ZFHX3: variants seen among roughly 807,000 people sequenced by gnomAD.
ZFHX3 encodes zinc finger homeobox protein 3.
Under a neutral mutation model 279.1 loss-of-function variants are expected in ZFHX3, and 42 were observed. The ratio of observed to expected loss-of-function variants is 0.15; its 90% CI spans 0.12 to 0.19. The LOEUF (loss-of-function observed/expected upper bound fraction) is 0.19, where lower values mean the gene tolerates loss of function less well. Ranked by LOEUF, ZFHX3 falls within the 10% of genes least tolerant of loss-of-function variation. The probability of loss-of-function intolerance (pLI) is 1.00; values close to 1 mark genes in which losing one functional copy is unlikely to be tolerated. For synonymous variants in ZFHX3, 2,293 were observed against 1,957.8 expected (o/e 1.17, Z -4.52); for missense variants, 4,981 against 4,754.0 (o/e 1.05, Z -1.40).
At chr16:73,566,858 C>T (rs985669633) in intron 2 of ZFHX3, among the ~76,000 whole-genome samples, 5 of 152,204 alleles carry the variant, frequency 3.3e-5, no homozygotes, top group Admixed American at 6.5e-5. Flanking sequence ...GCCACCACAC[C>T]CAGCTAATTT....
chr16:72,891,141 C>T (rs1567568252), intron 3 of ZFHX3, among the ~76,000 whole-genome samples: 1 of 152,214 alleles, frequency 6.6e-6, no homozygotes, highest in African/African-American at 2.4e-5. Context: ...ATAAATTTCT[C>T]CAGACTAGTT....
At chr16:73,230,761 G>T (rs986353711) in intron 5 of ZFHX3, among the ~76,000 whole-genome samples, 1 of 152,202 alleles carries the variant, frequency 6.6e-6, no homozygotes, top group East Asian at 1.9e-4. Context: ...ACCTCAGCCC[G>T]TGTGATATAA....
rs1407312622 is a variant in ZFHX3 at position 72,958,363 on chromosome 16, C to T, written c.1783G>A (p.Ala595Thr). ...GRRLDFADES[A>T]NKDNATAPEP... ...GGTGCTGTGGCATTGTCTTTATTGG[C>T]ACTTTCGTCAGCGAAGTCCAGCCTC... The change falls in exon 2 of 10, where the codon GCC becomes ACC. Residue 595 changes from alanine (A) to threonine (T), a missense_variant. Physicochemically the swap from Ala to Thr is moderately conservative, Grantham distance 58. Transcript: ENST00000268489. 1 of 1,614,118 alleles carries T rather than the reference C, an allele frequency of 6.2e-7. No individual in the cohort carries two copies. The highest frequency in any genetic ancestry group is 8.5e-7 in the Non-Finnish European group (1 of 1,179,986).
intron 2 of ZFHX3, among the ~76,000 whole-genome samples, chr16:73,576,558 C>T (rs1263499463): frequency 6.6e-6 from 1 of 152,046 alleles, no homozygotes; most frequent in African/African-American, 2.4e-5. Context: ...TAGACACGCA[C>T]GGAAGTAAAA....
At chr16:73,280,706 T>C (rs533199761) in intron 4 of ZFHX3, among the ~76,000 whole-genome samples, 3 of 152,048 alleles carry the variant, frequency 2.0e-5, no homozygotes, top group African/African-American at 4.8e-5. Flanking sequence ...TGGCCAGGCA[T>C]GGTGGCTCAC....
intron 1 of ZFHX3, among the ~76,000 whole-genome samples, chr16:73,885,880 C>T (rs773432311): frequency 3.9e-5 from 6 of 152,270 alleles, no homozygotes; most frequent in South Asian, 4.1e-4. Flanking sequence ...CATCAAAAAG[C>T]AGTAAGTACC....
At chr16:73,549,174 A>C (rs1402415331) in intron 2 of ZFHX3, among the ~76,000 whole-genome samples, 2 of 152,140 alleles carry the variant, frequency 1.3e-5, no homozygotes, top group Non-Finnish European at 2.9e-5. Flanking sequence ...TCTAATAGAA[A>C]TGTTTTTTTT....
At chr16:73,728,305 G>A (rs1272855468) in intron 1 of ZFHX3, among the ~76,000 whole-genome samples, 3 of 152,100 alleles carry the variant, frequency 2.0e-5, no homozygotes, top group African/African-American at 4.8e-5. Context: ...TCAAAGCAGC[G>A]CTGCTGACAC....
intron 1 of ZFHX3, among the ~76,000 whole-genome samples, chr16:73,029,197 A>C (rs1964613066): frequency 6.6e-6 from 1 of 152,150 alleles, no homozygotes; most frequent in Non-Finnish European, 1.5e-5. Flanking sequence ...AATGGCTCCC[A>C]CCTGCTCCTG....
chr16:73,349,070 A>G (rs746763349), intron 3 of ZFHX3, among the ~76,000 whole-genome samples: 9 of 152,214 alleles, frequency 5.9e-5, no homozygotes, highest in Non-Finnish European at 1.2e-4. Context: ...ATAACAGATC[A>G]AAACAGAACA....
At chr16:73,687,296 G>A (rs1381785493) in intron 1 of ZFHX3, among the ~76,000 whole-genome samples, 1 of 150,884 alleles carries the variant, frequency 6.6e-6, no homozygotes, top group Non-Finnish European at 1.5e-5. Flanking sequence ...GGAGGCTTAG[G>A]TGGAAGGATC....
rs573164857 is a variant in ZFHX3 at position 73,204,271 on chromosome 16, A to C, written c.-1104+52776T>G. Among the ~76,000 whole-genome samples, 5 of 150,568 alleles carry C rather than the reference A, an allele frequency of 3.3e-5. No homozygotes were observed. The East Asian group carries it at 9.7e-4, about 29-fold the overall frequency. On this transcript the variant is annotated intron_variant, in intron 5 of 17. Transcript: ENST00000641206. Reference sequence around the variant, plus strand: ...ACTTTATTTCTATTATTATTATAGAAATTATTATTTCTATTATTATTATAT... The same window carrying C: ...ACTTTATTTCTATTATTATTATAGACATTATTATTTCTATTATTATTATAT...
intron 1 of ZFHX3, among the ~76,000 whole-genome samples, chr16:72,982,766 A>C (rs1962667188): frequency 6.6e-6 from 1 of 152,216 alleles, no homozygotes; most frequent in African/African-American, 2.4e-5. Flanking sequence ...TTAAGATCTG[A>C]GGAGTAGCCT....
intron 5 of ZFHX3, among the ~76,000 whole-genome samples, chr16:72,822,406 G>C (rs947829288): frequency 1.6e-4 from 25 of 152,184 alleles, no homozygotes; most frequent in African/African-American, 6.0e-4. Flanking sequence ...CTGCAACTCT[G>C]ACACCCGAGT....
intron 1 of ZFHX3, among the ~76,000 whole-genome samples, chr16:73,688,669 A>AT (rs2053116611): frequency 6.6e-6 from 1 of 152,062 alleles, no homozygotes; most frequent in African/African-American, 2.4e-5. Flanking sequence ...AGTGTAAGGT[A>AT]TTTTTTCATA....
At chr16:73,833,520 C>T (rs1237641366) in intron 1 of ZFHX3, among the ~76,000 whole-genome samples, 1 of 151,896 alleles carries the variant, frequency 6.6e-6, no homozygotes, top group South Asian at 2.1e-4. Flanking sequence ...AACCAAACAC[C>T]GCATGTTCTC....
chr16:73,669,178 C>T (rs2052876923), intron 2 of ZFHX3, among the ~76,000 whole-genome samples: 1 of 152,050 alleles, frequency 6.6e-6, no homozygotes, highest in Admixed American at 6.6e-5. Flanking sequence ...CTCAGCCTTG[C>T]ATGTAGCTGG....
chr16:73,414,340 C>T (rs532006543), intron 3 of ZFHX3, among the ~76,000 whole-genome samples: 108 of 152,322 alleles, frequency 7.1e-4, no homozygotes, highest in African/African-American at 2.6e-3. Flanking sequence ...GTGCCAGGCA[C>T]TATGTATGGA....
At chr16:73,149,766 TGAAA>T in intron 5 of ZFHX3, among the ~76,000 whole-genome samples, 1 of 152,334 alleles carries the variant, frequency 6.6e-6, no homozygotes, top group Non-Finnish European at 1.5e-5. Flanking sequence ...TCAGCGAATG[TGAAA>T]GAAACAATAA....
Sources: allele counts gnomAD v4.1 joint callset (sites outside exome capture counted in the v4.1 genomes callset), GRCh38; gene constraint gnomAD v4.1.1; transcripts MANE v1.5; gene names NCBI Gene and HGNC (gene_info 2026-07-23, HGNC 2026-07-21).